SCARA3: variants seen among roughly 807,000 people sequenced by gnomAD.
SCARA3 encodes cellular stress response gene protein.
SCARA3 carries 39 observed loss-of-function variants against 47.0 expected under a neutral mutation model. The observed-to-expected ratio is 0.83, with a 90% CI of 0.64 to 1.08. The LOEUF is 1.08. Ranked by LOEUF, SCARA3 falls within the 50% of genes least tolerant of loss-of-function variation. SCARA3 has a pLI of 0.00. For missense variants in SCARA3, 724 were observed against 792.3 expected, an observed-to-expected ratio of 0.91 and a Z score of 1.04; for synonymous variants, 356 against 334.1, an observed-to-expected ratio of 1.07 and a Z score of -0.71.
In SCARA3 at chr8:27,659,171, A is replaced by G. The variant is rs1055999547; in HGVS notation, c.1001A>G (p.Tyr334Cys). Reference sequence around the variant, plus strand: ...CATGATCTTCAGTACCATACCCACTACGCCCAGAACCGCACTGTGGAGAGG... The same window carrying G: ...CATGATCTTCAGTACCATACCCACTGCGCCCAGAACCGCACTGTGGAGAGG... ...NMHDLQYHTH[Y>C]AQNRTVERFE... The change falls in exon 5 of 6, where the codon TAC becomes TGC. Residue 334 changes from tyrosine (Y) to cysteine (C), a missense_variant. Tyr to Cys is a radical substitution (Grantham distance 194). Coordinates refer to ENST00000301904, the MANE Select transcript of SCARA3 (RefSeq NM_016240.3). The G allele has an allele frequency of 4.3e-6, 7 of 1,613,926 alleles. No homozygotes were observed. The highest frequency in any genetic ancestry group is 5.9e-6 in the Non-Finnish European group (7 of 1,180,008).
the SCARA3 span, among the ~76,000 whole-genome samples, chr8:27,685,350 A>G: frequency 0.052 from 7,848 of 152,258 alleles, 695 homozygotes; most frequent in African/African-American, 0.18. Flanking sequence ...ACATAGAAAG[A>G]CCTACAAGCA....
chr8:27,638,821 G>A (rs1282115015), intron 1 of SCARA3, among the ~76,000 whole-genome samples: 2 of 152,226 alleles, frequency 1.3e-5, no homozygotes, highest in African/African-American at 4.8e-5. Context: ...TCTTAAGGGA[G>A]TTCCCAGCGA....
At chr8:27,733,176 T>C in the SCARA3 span, 1 of 152,250 alleles carries the variant, frequency 6.6e-6, no homozygotes, top group African/African-American at 2.4e-5. Flanking sequence ...CTGCTGTGAC[T>C]GTGTGAAGGG....
At chr8:27,662,289 C>A (rs1472856574) in intron 5 of SCARA3, among the ~76,000 whole-genome samples, 1 of 152,258 alleles carries the variant, frequency 6.6e-6, no homozygotes, top group Non-Finnish European at 1.5e-5. Flanking sequence ...GCATATACAG[C>A]CTCCTGGAGA....
the SCARA3 span, among the ~76,000 whole-genome samples, chr8:27,727,733 T>TA: frequency 1.3e-5 from 2 of 152,222 alleles, no homozygotes; most frequent in Non-Finnish European, 2.9e-5. Flanking sequence ...AAACTTTACC[T>TA]AAAAAATCTA....
chr8:27,676,425 T>A (rs1038664305), downstream of SCARA3: 5 of 746,250 alleles, frequency 6.7e-6, no homozygotes, highest in African/African-American at 3.5e-5. Context: ...GGAAGCCAGG[T>A]GCTGACCTCA....
At position 27,647,367 on chromosome 8, in the gene SCARA3, C is replaced by G. The variant is rs145346002; in HGVS notation, c.8-2335C>G. On this transcript the variant is annotated intron_variant, in intron 1 of 5. Transcript: ENST00000301904. ...ACAGATGTGAGAGCGCTTTCAAAGT[C>G]CTAAACCCCAGGTCTCCTTTGTCGC... 5.7e-4 allele frequency among the ~76,000 whole-genome samples: 87 copies of G among 152,312 alleles called. 1 individual carries two copies. Among genetic ancestry groups the G allele is most frequent in the African/African-American group, 1.8e-3 (73 of 41,570 alleles).
intron 1 of SCARA3, among the ~76,000 whole-genome samples, chr8:27,646,980 C>A (rs1170408840): frequency 1.7e-4 from 19 of 113,100 alleles, no homozygotes; most frequent in Non-Finnish European, 3.2e-4. Context: ...CCGCCCCCCC[C>A]CCGCACACAC....
chr8:27,635,993 C>T (rs1228655282), intron 1 of SCARA3, among the ~76,000 whole-genome samples: 2 of 152,216 alleles, frequency 1.3e-5, no homozygotes, highest in Non-Finnish European at 2.9e-5. Context: ...TTCTGTGCTT[C>T]CCGTTGGCCT....
the SCARA3 span, among the ~76,000 whole-genome samples, chr8:27,712,562 C>CA: frequency 0.65 from 69,185 of 107,196 alleles, 22,822 homozygotes; most frequent in African/African-American, 0.67. Flanking sequence ...GACTCCGTCT[C>CA]AAAAAAAAAA....
intron 5 of SCARA3, among the ~76,000 whole-genome samples, chr8:27,666,903 T>A (rs540242359): frequency 6.6e-6 from 1 of 152,186 alleles, no homozygotes; most frequent in East Asian, 1.9e-4. Flanking sequence ...TGGACCCTAA[T>A]GAGCCTGGAA....
At chr8:27,699,603 T>C in the SCARA3 span, among the ~76,000 whole-genome samples, 2 of 151,956 alleles carry the variant, frequency 1.3e-5, no homozygotes, top group Non-Finnish European at 2.9e-5. Context: ...TGAAGAAGAG[T>C]TCAGTTGGAG....
intron 1 of SCARA3, among the ~76,000 whole-genome samples, chr8:27,643,428 C>T (rs577684083): frequency 1.3e-5 from 2 of 152,094 alleles, no homozygotes; most frequent in South Asian, 4.2e-4. Flanking sequence ...GGCAGAGCCA[C>T]GGAAGCAGAA....
At chr8:27,707,561 A>G in the SCARA3 span, among the ~76,000 whole-genome samples, 8 of 152,104 alleles carry the variant, frequency 5.3e-5, no homozygotes, top group Admixed American at 5.2e-4. Flanking sequence ...AATGAGGACT[A>G]ACAGAGAAAA....
chr8:27,670,321 T>C (rs911071677), intron 5 of SCARA3, among the ~76,000 whole-genome samples: 1 of 152,184 alleles, frequency 6.6e-6, no homozygotes, highest in Non-Finnish European at 1.5e-5. Context: ...GACTTCTCTT[T>C]GTATGTGTCA....
At chr8:27,649,617 A>T in intron 1 of SCARA3, 85 bp from the exon 2 acceptor site, 2 of 1,260,534 alleles carry the variant, frequency 1.6e-6, no homozygotes, top group South Asian at 2.5e-5. Flanking sequence ...AGAGGTGGGC[A>T]TGGGATATGG....
chr8:27,638,246 AG>A (rs1295975670), intron 1 of SCARA3, among the ~76,000 whole-genome samples: 1 of 152,066 alleles, frequency 6.6e-6, no homozygotes, highest in Non-Finnish European at 1.5e-5. Flanking sequence ...ATTGATGTAC[AG>A]GGTGGCATAG....
At chr8:27,660,070 AC>A (rs1801861370) in intron 5 of SCARA3, among the ~76,000 whole-genome samples, 1 of 150,118 alleles carries the variant, frequency 6.7e-6, no homozygotes, top group Non-Finnish European at 1.5e-5. Context: ...CTCCCTTCCC[AC>A]CCCCTCATTA....
At chr8:27,689,271 C>G in the SCARA3 span, among the ~76,000 whole-genome samples, 1 of 152,158 alleles carries the variant, frequency 6.6e-6, no homozygotes, top group Admixed American at 6.5e-5. Flanking sequence ...GACGGAAGGG[C>G]GGGCTTGTGG....
Sources: allele counts gnomAD v4.1 joint callset (sites outside exome capture counted in the v4.1 genomes callset), GRCh38; gene constraint gnomAD v4.1.1; transcripts MANE v1.5; gene names NCBI Gene and HGNC (gene_info 2026-07-23, HGNC 2026-07-21).